APOB: variants seen among roughly 807,000 people sequenced by gnomAD.
The protein encoded by APOB is apolipoprotein B-100.
In APOB, 153 loss-of-function variants were observed where a neutral mutation model predicts 314.1. The observed-to-expected ratio is 0.49, with a 90% confidence interval of 0.43 to 0.56. The LOEUF (loss-of-function observed/expected upper bound fraction) is 0.56, where lower values mean the gene tolerates loss of function less well. APOB is among the 20% of genes least tolerant of loss of function. The probability of loss-of-function intolerance (pLI) is 0.00; values close to 1 mark genes in which losing one functional copy is unlikely to be tolerated. For synonymous variants in APOB, 2,087 were observed against 2,036.4 expected, an observed-to-expected ratio of 1.02 and a Z score of -0.67; for missense variants, 5,430 against 5,350.7, an observed-to-expected ratio of 1.01 and a Z score of -0.46.
chr2:21,024,675 C>T (rs752862502), intron 16 of APOB: 41 of 646,680 alleles, frequency 6.3e-5, no homozygotes, highest in African/African-American at 9.2e-5. Context: ...GAAGGTATAC[C>T]GAACATTGTT....
intron 5 of APOB, 21 bp downstream of exon 5, chr2:21,037,937 A>G (rs771089572): frequency 4.3e-6 from 7 of 1,614,166 alleles, no homozygotes; most frequent in Admixed American, 1.7e-5. Flanking sequence ...GGCCACTGCT[A>G]TCAGCTTTCT....
chr2:21,042,299 G>C, intron 3 of APOB, 62 bp downstream of exon 3: 1 of 1,349,980 alleles, frequency 7.4e-7, no homozygotes, highest in South Asian at 1.2e-5. Context: ...TTGGGCGCCC[G>C]CTGGAACAGG....
At chr2:21,016,757 G>A (rs1038674739) in intron 20 of APOB, 108 bp from the exon 21 acceptor site, 19 of 749,252 alleles carry the variant, frequency 2.5e-5, no homozygotes, top group African/African-American at 5.1e-5. Context: ...GGCCAAGGCG[G>A]GCAGATCATG....
At chr2:21,004,509 C>T in intron 27 of APOB, 52 bp downstream of exon 27, 1 of 1,612,822 alleles carries the variant, frequency 6.2e-7, no homozygotes, top group Non-Finnish European at 8.5e-7. Context: ...TGAAGAAAAT[C>T]ACAATGAGTT....
rs1266759243 is a variant in APOB, at chr2:21,008,430, T to C, written c.8438A>G (p.Gln2813Arg). The C allele has an allele frequency of 3.1e-6, 5 of 1,614,010 alleles. No homozygotes were observed. The highest frequency in any genetic ancestry group is 4.2e-6 in the Non-Finnish European group (5 of 1,179,994). Residue 2813 changes from glutamine (Q) to arginine (R), a missense_variant, in exon 26 of 29, where the codon CAA (glutamine) becomes CGA (arginine). Gln to Arg is a conservative substitution (Grantham distance 43). Transcript: ENST00000233242. ...VLNFDFQANA[Q>R]LSNPKINPLA... is the part of the protein sequence containing the mutation. ...CGGATTAATCTTAGGGTTTGAGAGTTGTGCATTTGCTTGAAAATCAAAATT... is the reference window on the plus strand; with the variant it reads ...CGGATTAATCTTAGGGTTTGAGAGTCGTGCATTTGCTTGAAAATCAAAATT...
Position 21,012,217 on chromosome 2 carries a change from G to A in APOB, c.4651C>T (p.Gln1551Ter), listed in dbSNP as rs142017360. The A allele has an allele frequency of 6.2e-7, 1 of 1,606,730 alleles. No individual in the cohort carries two copies. Among genetic ancestry groups the A allele is most frequent in the Non-Finnish European group, 8.5e-7 (1 of 1,175,512 alleles). ...GCAGTATTTTTAATGATGCCACTTT[G>A]CAGATCAGAGGTGGAGGTGAGGGAG... ...TLSLTSTSDL[Q>*]SGIIKNTASL... Residue 1551 changes from glutamine to a stop codon, truncating the protein, a stop_gained, in exon 26 of 29, where the codon CAA becomes TAA. Transcript: ENST00000233242. LOFTEE classifies it high-confidence loss of function.
chr2:21,018,954 G>T, intron 20 of APOB, 38 bp downstream of exon 20: 1 of 1,613,652 alleles, frequency 6.2e-7, no homozygotes, highest in Non-Finnish European at 8.5e-7. Context: ...ACCTGAGACT[G>T]CGAGCAGAGA....
In APOB at chr2:21,006,070, C is replaced by A. The variant is rs766749418; in HGVS notation, c.10798G>T (p.Val3600Phe). The A allele has an allele frequency of 2.5e-6, 4 of 1,614,012 alleles. No homozygotes were observed. The highest frequency in any genetic ancestry group is 1.7e-4 in the Middle Eastern group (1 of 6,058). ...ELSPWQMSAL[V>F]QVHASQPSSF... Reference sequence around the variant, plus strand: ...CTGGGCTGACTTGCATGGACCTGAACAAGAGCTGACATTTGCCATGGAGAG... The same window carrying A: ...CTGGGCTGACTTGCATGGACCTGAAAAAGAGCTGACATTTGCCATGGAGAG... The change falls in exon 26 of 29, where the codon GTT (valine) becomes TTT (phenylalanine). Residue 3600 changes from valine to phenylalanine, a missense_variant. Coordinates refer to ENST00000233242, the MANE Select transcript of APOB (RefSeq NM_000384.3).
chr2:21,015,889 G>A (rs1366672022), intron 21 of APOB, among the ~76,000 whole-genome samples: 1 of 152,154 alleles, frequency 6.6e-6, no homozygotes, highest in Non-Finnish European at 1.5e-5. Context: ...TTATTGTGAG[G>A]ACCGAGATAA....
rs762535625 is a variant in APOB at position 21,011,290 on chromosome 2, GAACCTTAGC to G, written c.5569_5577del (p.Ala1857_Val1859del). 2 of 1,614,074 alleles carry G rather than the reference GAACCTTAGC, an allele frequency of 1.2e-6. No homozygotes were observed. Among genetic ancestry groups the G allele is most frequent in the African/African-American group, 2.7e-5 (2 of 74,934 alleles). On this transcript the variant is annotated inframe_deletion, in exon 26 of 29. Coordinates refer to ENST00000233242, the MANE Select transcript of APOB (RefSeq NM_000384.3). The stretch of plus-strand genomic sequence containing the variant: ...AGCCGATGGCTAAACTCCACACCCT[GAACCTTAGC>G]AACAGTGTCTGCTTTATAGCTTGCT...
intron 10 of APOB, among the ~76,000 whole-genome samples, chr2:21,031,084 C>A (rs115200831): frequency 1.4e-3 from 209 of 152,226 alleles, no homozygotes; most frequent in African/African-American, 4.9e-3. Flanking sequence ...CCAATAAATC[C>A]AACAATCCCA....
intron 12 of APOB, 116 bp downstream of exon 12, chr2:21,029,519 GGAAA>G (rs2103376591): frequency 1.9e-6 from 2 of 1,059,524 alleles, no homozygotes; most frequent in Non-Finnish European, 2.9e-6. Context: ...AAGGAAGGAA[GGAAA>G]GGAAAGAAAC....
intron 2 of APOB, 84 bp from the exon 3 acceptor site, chr2:21,042,560 C>T: frequency 1.1e-6 from 1 of 930,718 alleles, no homozygotes; most frequent in Non-Finnish European, 1.8e-6. Flanking sequence ...GGGGCAGTGG[C>T]ATAGAGAATT....
At position 21,030,329 on chromosome 2, in the gene APOB, T is replaced by C. The variant is rs6727706; in HGVS notation, c.1353-314A>G. On this transcript the variant is annotated intron_variant, in intron 10 of 28. Transcript: ENST00000233242. Reference sequence around the variant, plus strand: ...TACAGTCAACGGATCTTTGACAAAATTGACAAAAACATACACTAGGGAAAG... The same window carrying C: ...TACAGTCAACGGATCTTTGACAAAACTGACAAAAACATACACTAGGGAAAG... Among the ~76,000 whole-genome samples, 395 of 152,124 alleles carry C rather than the reference T, an allele frequency of 2.6e-3. 2 individuals carry two copies. The highest frequency in any genetic ancestry group is 9.3e-3 in the African/African-American group (386 of 41,514).
In APOB at chr2:21,007,531, C is replaced by T; in HGVS notation, c.9337G>A (p.Ala3113Thr). 1.9e-6 allele frequency: 3 copies of T among 1,614,034 alleles called. No individual in the cohort carries two copies. The highest frequency in any genetic ancestry group is 1.1e-5 in the South Asian group (1 of 91,070). ...SAGNNENIMEAHVGINGEANL... is the reference protein window; with the variant it reads ...SAGNNENIMETHVGINGEANL... ...GCTTCTCCATTTATTCCTACATGGG[C>T]CTCCATAATGTTCTCGTTGTTTCCA... Residue 3113 changes from alanine to threonine, a missense_variant, in exon 26 of 29, where the codon GCC becomes ACC. Around this residue, in one of 3 missense-constraint regions of APOB, gnomAD observed 3,281 missense variants for 3,171.0 expected, o/e 1.03. Transcript: ENST00000233242.
Position 21,010,295 on chromosome 2 carries a change from T to C in APOB, c.6573A>G (p.Leu2191=), listed in dbSNP as rs1663270691. 1 of 1,548,736 alleles carries C rather than the reference T, an allele frequency of 6.5e-7. No individual in the cohort carries two copies. The highest frequency in any genetic ancestry group is 2.3e-5 in the East Asian group (1 of 44,192). ...TAGCAATAGCTATTTTCAAATCATG[T>C]AAATCATAACTATCTTTAATATACT... The part of the protein sequence containing the change: ...FDQYIKDSYD[L]HDLKIAIANI... Residue 2191 remains leucine, a synonymous_variant, in exon 26 of 29, where the codon TTA becomes TTG. Coordinates refer to ENST00000233242, the MANE Select transcript of APOB (RefSeq NM_000384.3).
rs766426430 is a variant in APOB, at chr2:21,007,644, G to T, written c.9224C>A (p.Ala3075Glu). 2 of 1,613,956 alleles carry T rather than the reference G, an allele frequency of 1.2e-6. No individual in the cohort carries two copies. The highest frequency in any genetic ancestry group is 2.7e-5 in the African/African-American group (2 of 74,922). The change falls in exon 26 of 29, where the codon GCA becomes GAA. Residue 3075 changes from alanine (A) to glutamate (E), a missense_variant. Ala to Glu is a moderately radical substitution (Grantham distance 107). Coordinates refer to ENST00000233242, the MANE Select transcript of APOB (RefSeq NM_000384.3). The stretch of plus-strand genomic sequence containing the variant: ...CTGGGCACTGGGACTCAGAAACAGT[G>T]CATAGTTATTCAGGAAGTCTATCTT... ...TGKIDFLNNY[A>E]LFLSPSAQQA...
At position 21,005,829 on chromosome 2, in the gene APOB, T is replaced by A. The variant is rs1663118311; in HGVS notation, c.11039A>T (p.Tyr3680Phe). ...RFLKNIILPVYDKSLWDFLKL... is the reference protein window; with the variant it reads ...RFLKNIILPVFDKSLWDFLKL... ...TAGGAAATCCCATAAGCTCTTGTCA[T>A]AGACTGGTAGGATGATATTTTTGAG... The change falls in exon 26 of 29, where the codon TAT (tyrosine) becomes TTT (phenylalanine). Residue 3680 changes from tyrosine (Y) to phenylalanine (F), a missense_variant. Coordinates refer to ENST00000233242, the MANE Select transcript of APOB (RefSeq NM_000384.3). 1 of 1,613,954 alleles carries A rather than the reference T, an allele frequency of 6.2e-7. No homozygotes were observed. Among genetic ancestry groups the A allele is most frequent in the African/African-American group, 1.3e-5 (1 of 74,918 alleles).
intron 9 of APOB, 83 bp downstream of exon 9, chr2:21,033,216 G>A: frequency 3.8e-6 from 4 of 1,040,388 alleles, no homozygotes; most frequent in Non-Finnish European, 6.0e-6. Flanking sequence ...AATGGTCCCT[G>A]AGATTCTCCA....
Sources: allele counts gnomAD v4.1 joint callset (sites outside exome capture counted in the v4.1 genomes callset), GRCh38; gene constraint gnomAD v4.1.1; regional missense constraint gnomAD v4.1.1; transcripts MANE v1.5; gene names NCBI Gene and HGNC (gene_info 2026-07-23, HGNC 2026-07-21).